Variants in RALGAPA2 observed in about 807,000 individuals in gnomAD.
RALGAPA2 encodes ral GTPase-activating protein subunit alpha-2.
In RALGAPA2, 139 loss-of-function variants were observed where a neutral mutation model predicts 230.4. The ratio of observed to expected loss-of-function variants is 0.60; its 90% CI spans 0.53 to 0.69. The LOEUF (loss-of-function observed/expected upper bound fraction) is 0.69, where lower values mean the gene tolerates loss of function less well. RALGAPA2 is among the 30% of genes least tolerant of loss of function. RALGAPA2 has a pLI of 0.00. For missense variants in RALGAPA2, 2,163 were observed against 2,276.0 expected, an observed-to-expected ratio of 0.95 and a Z score of 1.01; for synonymous variants, 847 against 837.8, an observed-to-expected ratio of 1.01 and a Z score of -0.19.
At chr20:20,516,640 C>T (rs984546016) in intron 31 of RALGAPA2, among the ~76,000 whole-genome samples, 19 of 152,202 alleles carry the variant, frequency 1.2e-4, no homozygotes, top group African/African-American at 4.6e-4. Flanking sequence ...TACATCACTC[C>T]CCTGCCACCT....
intron 33 of RALGAPA2, among the ~76,000 whole-genome samples, chr20:20,509,629 G>A (rs1468416134): frequency 6.6e-6 from 1 of 152,138 alleles, no homozygotes; most frequent in East Asian, 1.9e-4. Flanking sequence ...CATGTATGTA[G>A]CTATATGATG....
At chr20:20,542,582 A>T (rs1189237538) in intron 24 of RALGAPA2, among the ~76,000 whole-genome samples, 3 of 152,152 alleles carry the variant, frequency 2.0e-5, no homozygotes, top group African/African-American at 7.2e-5. Context: ...ATGGAACAAA[A>T]CAGAGGCCTC....
chr20:20,701,816 T>G (rs1000499968), intron 1 of RALGAPA2, among the ~76,000 whole-genome samples: 5 of 150,834 alleles, frequency 3.3e-5, no homozygotes, highest in Admixed American at 2.6e-4. Flanking sequence ...CTGAAGTGGG[T>G]GGATCACAAG....
chr20:20,393,008 G>T lies in RALGAPA2; in HGVS notation c.*281C>A. The T allele has an allele frequency of 8.5e-7, 1 of 1,169,632 alleles. No individual in the cohort carries two copies. The highest frequency in any genetic ancestry group is 2.6e-5 in the Admixed American group (1 of 38,298). The allele number at this position is 1,169,632 out of a possible 1,614,324, so 72.5% of individuals were successfully genotyped here. ...TTCTTTTCTTCTTTGGAAGTCCAAG[G>T]TTTGTGAGGTTTCAGGACAAGATGA... On this transcript the variant is annotated 3_prime_UTR_variant, in exon 40 of 40. Transcript: ENST00000202677.
intron 23 of RALGAPA2, among the ~76,000 whole-genome samples, chr20:20,565,178 G>C (rs1330784789): frequency 6.6e-6 from 1 of 152,180 alleles, no homozygotes; most frequent in Non-Finnish European, 1.5e-5. Context: ...AGGGATTTGA[G>C]ATAAACAAGG....
At chr20:20,401,588 AGT>A (rs1436492557) in intron 38 of RALGAPA2, among the ~76,000 whole-genome samples, 1 of 152,172 alleles carries the variant, frequency 6.6e-6, no homozygotes, top group African/African-American at 2.4e-5. Flanking sequence ...ATACACTGGG[AGT>A]GTGTGTGCCA....
chr20:20,522,223 C>T (rs2046324568), intron 30 of RALGAPA2, among the ~76,000 whole-genome samples: 1 of 150,886 alleles, frequency 6.6e-6, no homozygotes, highest in African/African-American at 2.4e-5. Context: ...TAGGTATACA[C>T]CCAACAGAAA....
In RALGAPA2 at chr20:20,612,513, C is replaced by G. The variant is rs183386044; in HGVS notation, c.1689-1087G>C. Among the ~76,000 whole-genome samples, 218 of 152,332 alleles carry G rather than the reference C, an allele frequency of 1.4e-3. 3 individuals are homozygous for G. The highest frequency in any genetic ancestry group is 0.012 in the Admixed American group (180 of 15,308). Reference sequence around the variant, plus strand: ...CTCCTAACAATATATGATGCTGAACCTCATAAAATTCCTCACAGTAAAATC... The same window carrying G: ...CTCCTAACAATATATGATGCTGAACGTCATAAAATTCCTCACAGTAAAATC... On this transcript the variant is annotated intron_variant, in intron 13 of 39. Coordinates refer to ENST00000202677, the MANE Select transcript of RALGAPA2 (RefSeq NM_020343.4).
At chr20:20,641,442 C>A (rs180813756) in intron 5 of RALGAPA2, among the ~76,000 whole-genome samples, 20 of 152,254 alleles carry the variant, frequency 1.3e-4, no homozygotes, top group African/African-American at 4.6e-4. Context: ...AGCTAAATAA[C>A]CTCAATGAGA....
chr20:20,557,327 T>A (rs2064115472), intron 23 of RALGAPA2, among the ~76,000 whole-genome samples: 1 of 151,454 alleles, frequency 6.6e-6, no homozygotes, highest in Non-Finnish European at 1.5e-5. Flanking sequence ...AAGGGGTAAG[T>A]AAAATGCACG....
chr20:20,662,632 C>T (rs771614750), intron 3 of RALGAPA2, among the ~76,000 whole-genome samples: 8 of 152,170 alleles, frequency 5.3e-5, no homozygotes, highest in Non-Finnish European at 1.2e-4. Context: ...ATTAAATATC[C>T]TCTTAATCAA....
At chr20:20,444,411 A>G (rs527645797) in intron 37 of RALGAPA2, among the ~76,000 whole-genome samples, 1 of 149,736 alleles carries the variant, frequency 6.7e-6, no homozygotes, top group African/African-American at 2.6e-5. Flanking sequence ...AGGAGATCTT[A>G]CTTATTTCAA....
intron 7 of RALGAPA2, among the ~76,000 whole-genome samples, chr20:20,638,468 A>G (rs2066930347): frequency 6.6e-6 from 1 of 152,232 alleles, no homozygotes; most frequent in Non-Finnish European, 1.5e-5. Flanking sequence ...AAGAGAAGGC[A>G]GAAGGGAGGC....
At chr20:20,450,054 C>G (rs1300694550) in intron 37 of RALGAPA2, among the ~76,000 whole-genome samples, 2 of 152,156 alleles carry the variant, frequency 1.3e-5, no homozygotes, top group East Asian at 3.9e-4. Context: ...TCTCATTATA[C>G]ATGGCCTTTA....
At chr20:20,399,261 C>T (rs934997351) in intron 38 of RALGAPA2, among the ~76,000 whole-genome samples, 15 of 149,778 alleles carry the variant, frequency 1.0e-4, no homozygotes, top group African/African-American at 1.2e-4. Context: ...GCAGGAGAAT[C>T]GCTTGAACTG....
At chr20:20,708,189 T>C (rs1473160872) in intron 1 of RALGAPA2, among the ~76,000 whole-genome samples, 1 of 152,224 alleles carries the variant, frequency 6.6e-6, no homozygotes, top group Non-Finnish European at 1.5e-5. Context: ...AAATGCACTA[T>C]TAAAATTAAT....
At chr20:20,440,380 C>T (rs1000911073) in intron 37 of RALGAPA2, among the ~76,000 whole-genome samples, 7 of 152,302 alleles carry the variant, frequency 4.6e-5, no homozygotes, top group African/African-American at 1.7e-4. Context: ...TATTTAAGTT[C>T]TTTTTCTTGA....
intron 9 of RALGAPA2, among the ~76,000 whole-genome samples, chr20:20,634,888 C>T (rs752928818): frequency 1.3e-5 from 2 of 152,188 alleles, no homozygotes; most frequent in Non-Finnish European, 2.9e-5. Context: ...GGAGAGGTCT[C>T]TTCTGAAGGC....
intron 3 of RALGAPA2, among the ~76,000 whole-genome samples, chr20:20,661,204 G>A (rs2067765169): frequency 6.6e-6 from 1 of 152,022 alleles, no homozygotes; most frequent in East Asian, 1.9e-4. Flanking sequence ...TGTTTCCCAG[G>A]CTGGAGAGCA....
Sources: allele counts gnomAD v4.1 joint callset (sites outside exome capture counted in the v4.1 genomes callset), GRCh38; gene constraint gnomAD v4.1.1; transcripts MANE v1.5; gene names NCBI Gene and HGNC (gene_info 2026-07-23, HGNC 2026-07-21).